The following EPB41L5 variants were observed in gnomAD, a reference collection of about 807,000 sequenced individuals.
The protein encoded by EPB41L5 is erythrocyte membrane protein band 4.1 like 5, also known as band 4.1-like protein 5.
EPB41L5 carries 55 observed loss-of-function variants against 106.6 expected under a neutral mutation model. The ratio of observed to expected loss-of-function variants is 0.52; its 90% confidence interval spans 0.42 to 0.65. EPB41L5 has a LOEUF of 0.65. EPB41L5 is among the 30% of genes least tolerant of loss of function. EPB41L5 has a pLI of 0.00. For missense variants in EPB41L5, 871 were observed against 882.1 expected (o/e 0.99, Z 0.16); for synonymous variants, 297 against 306.7 (o/e 0.97, Z 0.33).
chr2:120,149,952 T>C (rs887565346), intron 20 of EPB41L5, among the ~76,000 whole-genome samples: 15 of 149,256 alleles, frequency 1.0e-4, no homozygotes, highest in Non-Finnish European at 1.5e-4. Context: ...TGGAGTGCAG[T>C]GGCACAAGCA....
At chr2:120,091,294 A>ATATTTCAAACT (rs1490795050) in intron 12 of EPB41L5, among the ~76,000 whole-genome samples, 2 of 152,204 alleles carry the variant, frequency 1.3e-5, no homozygotes, top group African/African-American at 2.4e-5. Context: ...AAAAGGACAG[A>ATATTTCAAACT]TATTTCAAAC....
At chr2:120,122,248 C>T (rs1471779935) in intron 16 of EPB41L5, among the ~76,000 whole-genome samples, 1 of 152,104 alleles carries the variant, frequency 6.6e-6, no homozygotes, top group Non-Finnish European at 1.5e-5. Context: ...GGATTCCTTG[C>T]CCATGCCTAT....
chr2:120,054,331 A>G (rs1042934414), intron 3 of EPB41L5, among the ~76,000 whole-genome samples: 3 of 152,166 alleles, frequency 2.0e-5, no homozygotes, highest in African/African-American at 4.8e-5. Flanking sequence ...TACATCTGCA[A>G]ACTTTTTTCC....
intron 3 of EPB41L5, among the ~76,000 whole-genome samples, chr2:120,044,423 T>C (rs1231921175): frequency 4.6e-5 from 7 of 152,208 alleles, no homozygotes; most frequent in African/African-American, 1.4e-4. Context: ...TGGTTGCCTA[T>C]TAATTTTAAT....
At chr2:120,161,014 A>G in intron 21 of EPB41L5, 40 bp downstream of exon 21, 1 of 1,432,874 alleles carries the variant, frequency 7.0e-7, no homozygotes, top group South Asian at 1.1e-5. Flanking sequence ...TGCCAAAGAC[A>G]GTTTTGAATT....
intron 16 of EPB41L5, among the ~76,000 whole-genome samples, chr2:120,112,301 G>A (rs1177395931): frequency 2.0e-5 from 3 of 152,110 alleles, no homozygotes; most frequent in African/African-American, 7.2e-5. Context: ...CAGAGTGTCC[G>A]TTTTTCAACA....
intron 3 of EPB41L5, among the ~76,000 whole-genome samples, chr2:120,050,825 G>T (rs1680203833): frequency 6.6e-6 from 1 of 152,178 alleles, no homozygotes; most frequent in African/African-American, 2.4e-5. Flanking sequence ...GTGACATACA[G>T]ATGGGGTTTT....
chr2:120,078,410 CA>C, intron 9 of EPB41L5, 82 bp from the exon 10 acceptor site: 1 of 794,150 alleles, frequency 1.3e-6, no homozygotes, highest in Non-Finnish European at 2.0e-6. Context: ...CAATTCAATA[CA>C]AAAATAAAAT....
chr2:120,057,483 TC>T (rs1346123556), intron 3 of EPB41L5, among the ~76,000 whole-genome samples: 1 of 152,166 alleles, frequency 6.6e-6, no homozygotes, highest in African/African-American at 2.4e-5. Flanking sequence ...AATTCAGATA[TC>T]CCCCAAGCCC....
chr2:120,090,807 C>T (rs1289593491), intron 12 of EPB41L5, among the ~76,000 whole-genome samples: 1 of 152,170 alleles, frequency 6.6e-6, no homozygotes, highest in African/African-American at 2.4e-5. Flanking sequence ...TTTATGGACT[C>T]TCCACCCACC....
At chr2:120,027,444 T>C (rs1678403550) in intron 2 of EPB41L5, among the ~76,000 whole-genome samples, 1 of 152,234 alleles carries the variant, frequency 6.6e-6, no homozygotes, top group South Asian at 2.1e-4. Flanking sequence ...AAAGACCATG[T>C]GATTTCATTC....
In EPB41L5 at chr2:120,127,689, A is replaced by G; in HGVS notation, c.1339A>G (p.Ile447Val). The change falls in exon 17 of 25, where the codon ATT becomes GTT. Residue 447 changes from isoleucine (I) to valine (V), a missense_variant and splice_region_variant. Ile to Val is a conservative substitution (Grantham distance 29). Transcript: ENST00000263713. ...PGTDQHDRKC[I>V]PLNIDLLNSP... ...GTAAATTTTCTATTTCCATTGCAGC[A>G]TTCCTCTGAATATTGATTTGCTGAA... 1 of 1,586,532 alleles carries G rather than the reference A, an allele frequency of 6.3e-7. No individual in the cohort carries two copies. Among genetic ancestry groups the G allele is most frequent in the Non-Finnish European group, 8.6e-7 (1 of 1,162,980 alleles).
intron 3 of EPB41L5, among the ~76,000 whole-genome samples, chr2:120,067,484 T>C (rs1681524101): frequency 6.6e-6 from 1 of 152,232 alleles, no homozygotes; most frequent in African/African-American, 2.4e-5. Flanking sequence ...GTGTGTGTCC[T>C]GTCACTGTTA....
At chr2:120,055,174 T>G (rs1680563444) in intron 3 of EPB41L5, among the ~76,000 whole-genome samples, 1 of 152,178 alleles carries the variant, frequency 6.6e-6, no homozygotes, top group Non-Finnish European at 1.5e-5. Context: ...GTTCCATTGA[T>G]CTTTATGTTG....
chr2:120,048,047 C>T (rs1412396801), intron 3 of EPB41L5, among the ~76,000 whole-genome samples: 1 of 152,054 alleles, frequency 6.6e-6, no homozygotes, highest in African/African-American at 2.4e-5. Context: ...TTGATGTGCT[C>T]CTGGATTCGG....
At chr2:120,099,944 A>G (rs1684031329) in intron 14 of EPB41L5, among the ~76,000 whole-genome samples, 1 of 152,188 alleles carries the variant, frequency 6.6e-6, no homozygotes, top group Non-Finnish European at 1.5e-5. Flanking sequence ...GCCATCCTTG[A>G]TAGCTGTTGT....
chr2:120,124,620 A>T (rs1332508843), intron 16 of EPB41L5, among the ~76,000 whole-genome samples: 1 of 152,230 alleles, frequency 6.6e-6, no homozygotes, highest in African/African-American at 2.4e-5. Context: ...TAACATTGAT[A>T]TGGTACTGTT....
chr2:120,093,380 G>T, intron 14 of EPB41L5, 104 bp downstream of exon 14: 2 of 922,908 alleles, frequency 2.2e-6, no homozygotes, highest in Non-Finnish European at 1.8e-6. Context: ...CAAGTTGTCC[G>T]TAAAGCACCA....
At chr2:120,152,206 GT>G (rs1354573654) in intron 20 of EPB41L5, among the ~76,000 whole-genome samples, 1 of 151,996 alleles carries the variant, frequency 6.6e-6, no homozygotes, top group African/African-American at 2.4e-5. Context: ...ATTCTATTCT[GT>G]TTGTTTTTAT....
Sources: allele counts gnomAD v4.1 joint callset (sites outside exome capture counted in the v4.1 genomes callset), GRCh38; gene constraint gnomAD v4.1.1; transcripts MANE v1.5; gene names NCBI Gene and HGNC (gene_info 2026-07-23, HGNC 2026-07-21).